MAGI2: variants seen among roughly 807,000 people sequenced by gnomAD.
MAGI2 encodes membrane-associated guanylate kinase, WW and PDZ domain-containing protein 2.
In MAGI2, 35 loss-of-function variants were observed where a neutral mutation model predicts 133.3. The observed-to-expected ratio is 0.26, with a 90% CI of 0.20 to 0.35. MAGI2 has a LOEUF of 0.35. Ranked by LOEUF, MAGI2 falls within the 10% of genes least tolerant of loss-of-function variation. The probability of loss-of-function intolerance (pLI) is 1.00; values close to 1 mark genes in which losing one functional copy is unlikely to be tolerated. For missense variants in MAGI2, 1,636 were observed against 1,863.4 expected, an observed-to-expected ratio of 0.88 and a Z score of 2.25; for synonymous variants, 729 against 710.6, an observed-to-expected ratio of 1.03 and a Z score of -0.41.
intron 1 of MAGI2, among the ~76,000 whole-genome samples, chr7:79,442,963 TA>T (rs1848589314): frequency 6.7e-6 from 1 of 148,802 alleles, no homozygotes; most frequent in Admixed American, 6.7e-5. Context: ...GGAAATTAGG[TA>T]TTGCAGATCA....
At chr7:79,359,654 A>G (rs1842250722) in intron 1 of MAGI2, among the ~76,000 whole-genome samples, 2 of 149,478 alleles carry the variant, frequency 1.3e-5, no homozygotes, top group South Asian at 4.3e-4. Flanking sequence ...ACCAAAAGGA[A>G]ATGCTCAAGT....
chr7:78,672,272 C>A (rs779800380), intron 2 of MAGI2, among the ~76,000 whole-genome samples: 25 of 152,002 alleles, frequency 1.6e-4, no homozygotes, highest in Non-Finnish European at 3.5e-4. Flanking sequence ...GGACCTCCCC[C>A]CTCTCTCTCT....
intron 1 of MAGI2, among the ~76,000 whole-genome samples, chr7:79,135,970 A>G (rs1457877281): frequency 3.3e-5 from 1 of 30,068 alleles, no homozygotes; most frequent in Non-Finnish European, 1.8e-4. Context: ...AAAGAAAGAA[A>G]GAAAGAAAGA....
intron 1 of MAGI2, among the ~76,000 whole-genome samples, chr7:79,149,096 G>GTAATATAATATATTATATTATATA (rs1433673345): frequency 5.7e-5 from 8 of 141,208 alleles, no homozygotes; most frequent in African/African-American, 2.1e-4. Context: ...ATTTTTATAT[G>GTAATATAATATATTATATTATATA]TAATATAATA....
chr7:78,409,471 C>T (rs755605673), intron 6 of MAGI2, among the ~76,000 whole-genome samples: 1 of 151,912 alleles, frequency 6.6e-6, no homozygotes, highest in Non-Finnish European at 1.5e-5. Flanking sequence ...AGGGGCATCA[C>T]AAAAAAGACC....
At chr7:78,773,181 C>T (rs1379968861) in intron 2 of MAGI2, among the ~76,000 whole-genome samples, 1 of 152,004 alleles carries the variant, frequency 6.6e-6, no homozygotes, top group Non-Finnish European at 1.5e-5. Context: ...CTAAGCATAT[C>T]CAATACAGAC....
intron 2 of MAGI2, among the ~76,000 whole-genome samples, chr7:78,871,067 T>G (rs182388398): frequency 3.9e-5 from 6 of 152,072 alleles, no homozygotes; most frequent in African/African-American, 1.4e-4. Context: ...TCCCAGCACT[T>G]TGGGAGGCTG....
chr7:78,315,112 T>C (rs1269721843), intron 9 of MAGI2, among the ~76,000 whole-genome samples: 2 of 152,174 alleles, frequency 1.3e-5, no homozygotes, highest in East Asian at 3.9e-4. Context: ...GCAATAGGTC[T>C]GTAAGGAAGA....
chr7:79,288,530 T>C (rs1029879880), intron 1 of MAGI2, among the ~76,000 whole-genome samples: 1 of 152,194 alleles, frequency 6.6e-6, no homozygotes, highest in African/African-American at 2.4e-5. Flanking sequence ...TAAATAACCA[T>C]TCTGCATATG....
chr7:79,430,295 T>C (rs969167259), intron 1 of MAGI2, among the ~76,000 whole-genome samples: 1 of 152,102 alleles, frequency 6.6e-6, no homozygotes, highest in African/African-American at 2.4e-5. Context: ...TATAGCTACA[T>C]GGGGAAAAAA....
At chr7:79,009,836 C>T (rs1168399219) in intron 1 of MAGI2, among the ~76,000 whole-genome samples, 1 of 152,100 alleles carries the variant, frequency 6.6e-6, no homozygotes, top group Non-Finnish European at 1.5e-5. Flanking sequence ...TCACCATGCT[C>T]AGGATACTGG....
intron 2 of MAGI2, among the ~76,000 whole-genome samples, chr7:78,846,159 T>C (rs1272697832): frequency 6.6e-6 from 1 of 151,380 alleles, no homozygotes; most frequent in Non-Finnish European, 1.5e-5. Context: ...CCAGTGAACA[T>C]GGGGAAGTAA....
chr7:78,153,001 A>C (rs1399441076), intron 16 of MAGI2, among the ~76,000 whole-genome samples: 2 of 152,248 alleles, frequency 1.3e-5, no homozygotes, highest in Non-Finnish European at 2.9e-5. Context: ...TAGAGAAATG[A>C]ATGAGACTCA....
chr7:78,290,653 C>A (rs1011648453), intron 9 of MAGI2, among the ~76,000 whole-genome samples: 3 of 152,178 alleles, frequency 2.0e-5, no homozygotes, highest in African/African-American at 7.2e-5. Context: ...CTTCTCAGCA[C>A]CACATTGCAT....
chr7:78,226,529 C>G (rs1789405638), intron 10 of MAGI2, among the ~76,000 whole-genome samples: 3 of 152,158 alleles, frequency 2.0e-5, no homozygotes, highest in Admixed American at 2.0e-4. Flanking sequence ...AGACCTTTTT[C>G]AGTTAATTCA....
chr7:78,959,103 T>A (rs1359205512), intron 2 of MAGI2, among the ~76,000 whole-genome samples: 2 of 152,168 alleles, frequency 1.3e-5, no homozygotes, highest in African/African-American at 4.8e-5. Flanking sequence ...TCCTCTTTTT[T>A]ATTTTTTAAT....
intron 1 of MAGI2, among the ~76,000 whole-genome samples, chr7:79,248,568 G>C (rs1284338679): frequency 6.6e-6 from 1 of 152,092 alleles, no homozygotes; most frequent in Non-Finnish European, 1.5e-5. Context: ...AGAATACACA[G>C]TCTTCTCCTT....
At chr7:79,186,217 TATATATA>T (rs1827098523) in intron 1 of MAGI2, among the ~76,000 whole-genome samples, 1 of 26,404 alleles carries the variant, frequency 3.8e-5, no homozygotes, top group Non-Finnish European at 4.2e-4. Context: ...TATATATATA[TATATATA>T]TATATATATA....
intron 2 of MAGI2, among the ~76,000 whole-genome samples, chr7:78,663,202 CTTTT>C (rs35544274): frequency 3.7e-5 from 4 of 109,224 alleles, no homozygotes; most frequent in Non-Finnish European, 5.5e-5. Context: ...TGTACCAACT[CTTTT>C]TTTTTTTTTT....
Sources: gnomAD v4.1 joint callset for allele counts (sites outside exome capture counted in the v4.1 genomes callset) on GRCh38, gnomAD v4.1.1 for gene constraint, MANE v1.5 for transcripts, NCBI Gene and HGNC (gene_info 2026-07-23, HGNC 2026-07-21) for gene names.